DLG2: variants seen among roughly 807,000 people sequenced by gnomAD.
DLG2 encodes disks large homolog 2.
Under a neutral mutation model 132.5 loss-of-function variants are expected in DLG2, and 45 were observed. That is an observed-to-expected ratio of 0.34 (90% CI 0.27 to 0.44). DLG2 has a LOEUF of 0.44. Ranked by LOEUF, DLG2 falls within the 20% of genes least tolerant of loss-of-function variation. The pLI is 1.00. For synonymous variants in DLG2, 424 were observed against 419.6 expected (o/e 1.01, Z -0.13); for missense variants, 1,045 against 1,196.9 (o/e 0.87, Z 1.87).
At chr11:85,302,796 C>T (rs2079680802) in intron 3 of DLG2, among the ~76,000 whole-genome samples, 1 of 152,036 alleles carries the variant, frequency 6.6e-6, no homozygotes, top group South Asian at 2.1e-4. Context: ...TGGCTAATAA[C>T]AACAGCAGCT....
chr11:84,467,091 T>A (rs1341795597), intron 7 of DLG2, among the ~76,000 whole-genome samples: 6 of 151,306 alleles, frequency 4.0e-5, no homozygotes, highest in Non-Finnish European at 5.9e-5. Context: ...GATCTTGGTG[T>A]CTATTTATCA....
intron 8 of DLG2, among the ~76,000 whole-genome samples, chr11:84,194,891 C>T (rs1021658644): frequency 3.3e-5 from 5 of 152,176 alleles, no homozygotes; most frequent in African/African-American, 9.6e-5. Flanking sequence ...CTGCTCCAAG[C>T]GCGGGGCCTA....
chr11:85,603,024 T>C (rs1440951625), intron 2 of DLG2, among the ~76,000 whole-genome samples: 2 of 152,138 alleles, frequency 1.3e-5, no homozygotes, highest in South Asian at 2.1e-4. Flanking sequence ...AGGAGGACAT[T>C]GCGTAACTAC....
At chr11:84,394,839 C>T (rs1468899397) in intron 7 of DLG2, among the ~76,000 whole-genome samples, 1 of 152,160 alleles carries the variant, frequency 6.6e-6, no homozygotes, top group African/African-American at 2.4e-5. Context: ...TTAGGCTGGT[C>T]TCAAACTCCT....
chr11:84,397,431 T>A (rs61897674), intron 7 of DLG2, among the ~76,000 whole-genome samples: 13,102 of 152,296 alleles, frequency 0.086, 597 homozygotes, highest in South Asian at 0.14. Context: ...CTCTTAGCCT[T>A]GTTTGCAGTT....
chr11:84,180,984 G>A (rs2096108795), intron 8 of DLG2, among the ~76,000 whole-genome samples: 1 of 151,482 alleles, frequency 6.6e-6, no homozygotes, highest in Non-Finnish European at 1.5e-5. Flanking sequence ...GAAAGAAAGA[G>A]CTCTGGAGAA....
chr11:84,720,928 G>C lies in DLG2; in HGVS notation c.358-186197C>G, dbSNP rs1242260448. On this transcript the variant is annotated intron_variant, in intron 6 of 27. Transcript: ENST00000376104. ...GCAATCCAGAGTCACTGTGGGGAGC[G>C]CTGGCCGGGCAAGTGGGGTGGGAGG... 3.3e-5 allele frequency: 5 copies of C among 150,924 alleles called. No individual in the cohort carries two copies. The East Asian group carries it at 6.0e-4, about 18-fold the overall frequency. 9.3% of individuals were successfully genotyped at this position (150,924 alleles called of 1,614,324 possible). A position where few individuals can be genotyped will look rare whatever the true frequency, so the allele number is the denominator to read the frequency against.
intron 6 of DLG2, among the ~76,000 whole-genome samples, chr11:84,827,676 CAAAAAAAAAAAAA>C (rs398016953): frequency 2.8e-5 from 1 of 35,090 alleles, no homozygotes; most frequent in African/African-American, 1.4e-4. Flanking sequence ...TACATACAGT[CAAAAAAAAAAAAA>C]AAAAAAAAAG....
intron 19 of DLG2, among the ~76,000 whole-genome samples, chr11:83,553,735 T>C (rs1322741135): frequency 6.6e-6 from 1 of 152,124 alleles, no homozygotes; most frequent in African/African-American, 2.4e-5. Context: ...TTTAACTGAA[T>C]AAAATGTCTG....
chr11:85,585,306 G>T (rs1465268819), intron 3 of DLG2, among the ~76,000 whole-genome samples: 3 of 152,142 alleles, frequency 2.0e-5, no homozygotes, highest in South Asian at 2.1e-4. Flanking sequence ...AAGATCAGTT[G>T]ACTTTAAGTA....
At chr11:85,013,444 A>G (rs1566647658) in intron 6 of DLG2, among the ~76,000 whole-genome samples, 5 of 152,138 alleles carry the variant, frequency 3.3e-5, no homozygotes, top group Admixed American at 2.0e-4. Context: ...AGAAAGATAA[A>G]TAACGATTTT....
chr11:84,967,237 G>C (rs999733147), intron 6 of DLG2, among the ~76,000 whole-genome samples: 1 of 151,938 alleles, frequency 6.6e-6, no homozygotes, highest in African/African-American at 2.4e-5. Flanking sequence ...GCAACTATCG[G>C]GAACACATCT....
intron 4 of DLG2, among the ~76,000 whole-genome samples, chr11:85,283,981 T>C (rs1240298586): frequency 1.3e-5 from 2 of 151,706 alleles, no homozygotes; most frequent in Non-Finnish European, 2.9e-5. Flanking sequence ...TGAATGAAGA[T>C]CTGCTTAAAT....
chr11:84,616,781 C>G (rs1179894721), intron 6 of DLG2, among the ~76,000 whole-genome samples: 2 of 152,010 alleles, frequency 1.3e-5, no homozygotes, highest in Non-Finnish European at 2.9e-5. Flanking sequence ...AGGTGCTTAA[C>G]AAATCTTAAA....
intron 6 of DLG2, among the ~76,000 whole-genome samples, chr11:84,753,766 C>G (rs2066490094): frequency 6.6e-6 from 1 of 152,108 alleles, no homozygotes; most frequent in Non-Finnish European, 1.5e-5. Context: ...GAAGGCTAAG[C>G]CTTGGTCAAC....
At chr11:83,559,279 C>T (rs1397346774) in intron 19 of DLG2, among the ~76,000 whole-genome samples, 1 of 152,052 alleles carries the variant, frequency 6.6e-6, no homozygotes, top group Non-Finnish European at 1.5e-5. Flanking sequence ...GGAAATCTGC[C>T]TGGAAAAGTA....
At chr11:84,615,953 T>C (rs907962724) in intron 6 of DLG2, among the ~76,000 whole-genome samples, 2 of 151,488 alleles carry the variant, frequency 1.3e-5, no homozygotes, top group Admixed American at 1.3e-4. Flanking sequence ...GAAAAATATA[T>C]ATAGTGACGA....
chr11:85,305,531 G>T (rs2079879110), intron 3 of DLG2, among the ~76,000 whole-genome samples: 2 of 151,696 alleles, frequency 1.3e-5, no homozygotes, highest in Non-Finnish European at 2.9e-5. Context: ...TTATTTTTTT[G>T]AGACAGAGTC....
At chr11:85,302,129 G>A (rs927934212) in intron 3 of DLG2, among the ~76,000 whole-genome samples, 2 of 152,142 alleles carry the variant, frequency 1.3e-5, no homozygotes, top group South Asian at 4.1e-4. Context: ...GATTCTGGAA[G>A]GCTGACCGCA....
Sources: allele counts gnomAD v4.1 joint callset (sites outside exome capture counted in the v4.1 genomes callset), GRCh38; gene constraint gnomAD v4.1.1; transcripts MANE v1.5; gene names NCBI Gene and HGNC (gene_info 2026-07-23, HGNC 2026-07-21).